DOCK5: variants seen among roughly 807,000 people sequenced by gnomAD.
DOCK5 encodes the protein dedicator of cytokinesis protein 5.
In DOCK5, 142 loss-of-function variants were observed where a neutral mutation model predicts 251.8. The ratio of observed to expected loss-of-function variants is 0.56; its 90% confidence interval spans 0.49 to 0.65. The LOEUF (loss-of-function observed/expected upper bound fraction) is 0.65, where lower values mean the gene tolerates loss of function less well. DOCK5 is among the 30% of genes least tolerant of loss of function. The pLI, the probability that DOCK5 is intolerant of heterozygous loss-of-function variation, is 0.00. For synonymous variants in DOCK5, 842 were observed against 835.5 expected, an observed-to-expected ratio of 1.01 and a Z score of -0.13; for missense variants, 2,111 against 2,312.3, an observed-to-expected ratio of 0.91 and a Z score of 1.79.
At chr8:25,408,268 G>A in intron 49 of DOCK5, 114 bp downstream of exon 49, 6 of 1,132,550 alleles carry the variant, frequency 5.3e-6, no homozygotes, top group Non-Finnish European at 7.3e-6. Flanking sequence ...CTTGTTTCAG[G>A]ACTCAGCAGC....
intron 11 of DOCK5, among the ~76,000 whole-genome samples, chr8:25,308,384 G>A (rs979612208): frequency 2.6e-5 from 4 of 152,058 alleles, no homozygotes; most frequent in African/African-American, 9.7e-5. Context: ...AGAAACTGAG[G>A]CCCAAAGGGA....
chr8:25,269,834 CA>C (rs1434089098), intron 3 of DOCK5, among the ~76,000 whole-genome samples: 2 of 152,152 alleles, frequency 1.3e-5, no homozygotes, highest in African/African-American at 4.8e-5. Flanking sequence ...TAGAATTTAT[CA>C]AAAGAGGAGT....
At chr8:25,393,431 G>A (rs1029594527) in intron 44 of DOCK5, among the ~76,000 whole-genome samples, 26 of 151,996 alleles carry the variant, frequency 1.7e-4, no homozygotes, top group Admixed American at 9.2e-4. Flanking sequence ...TCACCATTTC[G>A]TCCATTCTCG....
chr8:25,335,306 A>G (rs1586339009), intron 21 of DOCK5, among the ~76,000 whole-genome samples: 1 of 152,090 alleles, frequency 6.6e-6, no homozygotes, highest in South Asian at 2.1e-4. Flanking sequence ...AAATCCCATC[A>G]CTGTGATCAT....
chr8:25,271,680 G>A (rs937944281), intron 3 of DOCK5, among the ~76,000 whole-genome samples: 1 of 152,300 alleles, frequency 6.6e-6, no homozygotes, highest in Non-Finnish European at 1.5e-5. Context: ...TATTGATCCT[G>A]GTGGAATTGT....
At chr8:25,268,090 T>TTAAACTTAAACTTA (rs1286624886) in intron 2 of DOCK5, among the ~76,000 whole-genome samples, 10 of 152,096 alleles carry the variant, frequency 6.6e-5, no homozygotes, top group Non-Finnish European at 1.5e-4. Context: ...CTTAAACTTC[T>TTAAACTTAAACTTA]GACGTCATGA....
chr8:25,241,393 G>T (rs1802940301), intron 1 of DOCK5, among the ~76,000 whole-genome samples: 1 of 152,006 alleles, frequency 6.6e-6, no homozygotes, highest in African/African-American at 2.4e-5. Flanking sequence ...CAGGAGAATG[G>T]TGTGAACTCA....
intron 24 of DOCK5, among the ~76,000 whole-genome samples, chr8:25,342,146 A>G (rs915360285): frequency 6.6e-6 from 1 of 152,172 alleles, no homozygotes; most frequent in East Asian, 1.9e-4. Flanking sequence ...AGCCATTTTC[A>G]TAAAGGCGGG....
At chr8:25,409,908 C>T in intron 50 of DOCK5, 191 bp from the exon 51 acceptor site, 1 of 527,598 alleles carries the variant, frequency 1.9e-6, no homozygotes, top group Non-Finnish European at 3.4e-6. Flanking sequence ...GCTCTTGAAA[C>T]TTCTGGCGAG....
chr8:25,368,360 G>T (rs917094172), intron 32 of DOCK5, 110 bp downstream of exon 32: 3 of 1,186,156 alleles, frequency 2.5e-6, no homozygotes. Context: ...GTATTTGTCT[G>T]TGTGTCTGGA....
intron 2 of DOCK5, among the ~76,000 whole-genome samples, chr8:25,256,514 C>T (rs1803423682): frequency 6.6e-6 from 1 of 151,782 alleles, no homozygotes; most frequent in Admixed American, 6.6e-5. Context: ...TGGAGTGTGC[C>T]TGTAATCCTA....
At chr8:25,256,165 A>G (rs1467690975) in intron 2 of DOCK5, among the ~76,000 whole-genome samples, 1 of 152,202 alleles carries the variant, frequency 6.6e-6, no homozygotes, top group Non-Finnish European at 1.5e-5. Context: ...TCTGTTCCTA[A>G]TGTTTGTCAT....
At chr8:25,391,865 A>G in intron 42 of DOCK5, 31 bp from the exon 43 acceptor site, 1 of 1,607,096 alleles carries the variant, frequency 6.2e-7, no homozygotes, top group Non-Finnish European at 8.5e-7. Context: ...TCTAAGAGAG[A>G]AAAATACAGC....
Position 25,319,579 on chromosome 8 carries a change from AAGC to A in DOCK5, c.1447_1449del (p.Ala483del). The A allele has an allele frequency of 6.4e-7, 1 of 1,572,862 alleles. No individual in the cohort carries two copies. The highest frequency in any genetic ancestry group is 1.3e-5 in the African/African-American group (1 of 74,210). On this transcript the variant is annotated inframe_deletion and splice_region_variant, in exon 15 of 52. Transcript: ENST00000276440. ...CTAATTTTTTCCTTCCATCTGAAGAAAGCAATTCACCCTGGTGCTGGATATGAA... is the reference window on the plus strand; with the variant it reads ...CTAATTTTTTCCTTCCATCTGAAGAAAATTCACCCTGGTGCTGGATATGAA...
intron 1 of DOCK5, among the ~76,000 whole-genome samples, chr8:25,187,777 G>T (rs1018711185): frequency 5.3e-5 from 8 of 152,048 alleles, no homozygotes; most frequent in African/African-American, 1.9e-4. Flanking sequence ...AACATACCCT[G>T]CAGAGTCCCT....
chr8:25,278,806 A>C (rs1033568568), intron 5 of DOCK5, 141 bp downstream of exon 5: 45 of 765,138 alleles, frequency 5.9e-5, no homozygotes, highest in Non-Finnish European at 9.4e-5. Context: ...GCTGATAAGC[A>C]GCAGATTCTC....
At chr8:25,326,987 G>C (rs1805580219) in intron 18 of DOCK5, among the ~76,000 whole-genome samples, 2 of 152,206 alleles carry the variant, frequency 1.3e-5, no homozygotes, top group African/African-American at 4.8e-5. Flanking sequence ...GTATATGTGA[G>C]CAACCTGCAG....
At chr8:25,304,205 C>G (rs767257831) in intron 10 of DOCK5, 50 bp from the exon 11 acceptor site, 5 of 1,463,410 alleles carry the variant, frequency 3.4e-6, no homozygotes, top group African/African-American at 1.4e-5. Flanking sequence ...TAGTAACTTA[C>G]TGAGGCATGA....
intron 2 of DOCK5, among the ~76,000 whole-genome samples, chr8:25,245,013 A>G (rs1053527033): frequency 1.3e-5 from 2 of 152,182 alleles, no homozygotes; most frequent in Non-Finnish European, 2.9e-5. Flanking sequence ...TATCTTTTCC[A>G]GAATCTTTTG....
Sources: allele counts gnomAD v4.1 joint callset (sites outside exome capture counted in the v4.1 genomes callset), GRCh38; gene constraint gnomAD v4.1.1; transcripts MANE v1.5; gene names NCBI Gene and HGNC (gene_info 2026-07-23, HGNC 2026-07-21).